The following PTPRD variants were observed in gnomAD, a reference collection of about 807,000 sequenced individuals.
PTPRD encodes protein tyrosine phosphatase receptor type D.
Under a neutral mutation model 214.5 loss-of-function variants are expected in PTPRD, and 34 were observed. The ratio of observed to expected loss-of-function variants is 0.16; its 90% CI spans 0.12 to 0.21. The LOEUF (loss-of-function observed/expected upper bound fraction) is 0.21. Among genes scored for constraint, PTPRD ranks in the 10% least tolerant of loss-of-function variants. The pLI, the probability that PTPRD is intolerant of heterozygous loss-of-function variation, is 1.00. For synonymous variants in PTPRD, 1,128 were observed against 845.7 expected, an observed-to-expected ratio of 1.33 and a Z score of -5.79; for missense variants, 2,545 against 2,398.7, an observed-to-expected ratio of 1.06 and a Z score of -1.27.
intron 10 of PTPRD, among the ~76,000 whole-genome samples, chr9:9,074,125 A>T (rs2154411988): frequency 6.6e-6 from 1 of 152,278 alleles, no homozygotes; most frequent in African/African-American, 2.4e-5. Flanking sequence ...ACTAAAGCTG[A>T]GAGAAGTTTA....
At chr9:9,447,835 C>G (rs963708141) in intron 8 of PTPRD, among the ~76,000 whole-genome samples, 8 of 152,010 alleles carry the variant, frequency 5.3e-5, no homozygotes, top group African/African-American at 1.9e-4. Flanking sequence ...AAGACACTGA[C>G]GTAGAAATGT....
At chr9:8,969,893 C>A (rs1269247005) in intron 11 of PTPRD, among the ~76,000 whole-genome samples, 1 of 151,938 alleles carries the variant, frequency 6.6e-6, no homozygotes, top group African/African-American at 2.4e-5. Flanking sequence ...CTACTAATTA[C>A]AACATTGCCT....
At chr9:8,533,244 T>C (rs1330573185) in intron 14 of PTPRD, among the ~76,000 whole-genome samples, 3 of 152,060 alleles carry the variant, frequency 2.0e-5, no homozygotes, top group African/African-American at 7.2e-5. Flanking sequence ...AAGGTGGTCC[T>C]AAGTAGCTCT....
At chr9:9,053,523 T>C (rs1181525788) in intron 10 of PTPRD, among the ~76,000 whole-genome samples, 2 of 152,090 alleles carry the variant, frequency 1.3e-5, no homozygotes, top group African/African-American at 2.4e-5. Context: ...AAAAAGAAGA[T>C]ACTTATACAA....
intron 7 of PTPRD, among the ~76,000 whole-genome samples, chr9:9,706,701 A>T (rs932978200): frequency 6.6e-6 from 1 of 151,984 alleles, no homozygotes; most frequent in African/African-American, 2.4e-5. Context: ...CAGCCTCCCA[A>T]AGTGCTAGCA....
intron 5 of PTPRD, among the ~76,000 whole-genome samples, chr9:9,831,176 A>G (rs2054700363): frequency 6.6e-6 from 1 of 151,924 alleles, no homozygotes; most frequent in South Asian, 2.1e-4. Context: ...AGCATGGTTG[A>G]GTAGGTATGT....
At chr9:9,239,124 C>G (rs532638580) in intron 9 of PTPRD, among the ~76,000 whole-genome samples, 1 of 151,512 alleles carries the variant, frequency 6.6e-6, no homozygotes, top group African/African-American at 2.4e-5. Context: ...TTCTCTAGAA[C>G]TATGCTTATC....
chr9:9,450,331 G>C (rs1036249164), intron 8 of PTPRD, among the ~76,000 whole-genome samples: 4 of 151,750 alleles, frequency 2.6e-5, no homozygotes, highest in African/African-American at 9.7e-5. Flanking sequence ...TATTTCTTTA[G>C]GGAATTTCCA....
At chr9:8,946,964 C>T (rs2099068636) in intron 11 of PTPRD, among the ~76,000 whole-genome samples, 1 of 149,402 alleles carries the variant, frequency 6.7e-6, no homozygotes, top group Non-Finnish European at 1.5e-5. Flanking sequence ...CTTCCTATTT[C>T]TGCCTATCTT....
At chr9:10,167,748 T>G (rs2099168217) in intron 3 of PTPRD, among the ~76,000 whole-genome samples, 2 of 152,132 alleles carry the variant, frequency 1.3e-5, no homozygotes, top group African/African-American at 4.8e-5. Flanking sequence ...CCAATATAGC[T>G]GTAAGAGTTG....
At chr9:10,031,043 T>C (rs950217805) in intron 4 of PTPRD, among the ~76,000 whole-genome samples, 4 of 152,218 alleles carry the variant, frequency 2.6e-5, no homozygotes, top group African/African-American at 9.6e-5. Flanking sequence ...AATCTATCTG[T>C]GCTTGTCTTT....
At chr9:10,607,256 C>T (rs116595898) in intron 2 of PTPRD, among the ~76,000 whole-genome samples, 1,812 of 151,826 alleles carry the variant, frequency 0.012, 34 homozygotes, top group African/African-American at 0.041. Flanking sequence ...TACATGGACT[C>T]ATTATTAAAG....
At chr9:9,671,879 C>T (rs2154387239) in intron 7 of PTPRD, among the ~76,000 whole-genome samples, 1 of 152,252 alleles carries the variant, frequency 6.6e-6, no homozygotes, top group South Asian at 2.1e-4. Flanking sequence ...TGGACTAATA[C>T]AGGGGAAGAC....
chr9:9,510,260 T>C (rs2096668542), intron 8 of PTPRD, among the ~76,000 whole-genome samples: 1 of 151,704 alleles, frequency 6.6e-6, no homozygotes, highest in African/African-American at 2.4e-5. Flanking sequence ...TTTTTTCTTT[T>C]TTGGAACTAC....
In PTPRD at chr9:8,922,202, C is replaced by G. The variant is rs138630062; in HGVS notation, c.-104+96495G>C. 5.3e-3 allele frequency among the ~76,000 whole-genome samples: 811 copies of G among 151,776 alleles called. 1 individual carries two copies. The highest frequency in any genetic ancestry group is 7.8e-3 in the Non-Finnish European group (526 of 67,868). On this transcript the variant is annotated intron_variant, in intron 11 of 45. Transcript: ENST00000381196. Reference sequence around the variant, plus strand: ...AAATTTTCTTGACTTTGTTTTTTTTCTCTATTAAGTCCAGTGTTAATATAT... The same window carrying G: ...AAATTTTCTTGACTTTGTTTTTTTTGTCTATTAAGTCCAGTGTTAATATAT...
intron 3 of PTPRD, among the ~76,000 whole-genome samples, chr9:10,146,269 A>G (rs1592337418): frequency 6.6e-6 from 1 of 152,038 alleles, no homozygotes; most frequent in East Asian, 1.9e-4. Flanking sequence ...ATATACATAC[A>G]TACATAAATT....
intron 3 of PTPRD, among the ~76,000 whole-genome samples, chr9:10,125,801 A>G (rs1333044107): frequency 2.0e-5 from 3 of 152,080 alleles, no homozygotes; most frequent in Non-Finnish European, 4.4e-5. Context: ...AAAATATTTT[A>G]GTAAAACTAT....
At chr9:8,892,809 G>A (rs1040251771) in intron 11 of PTPRD, among the ~76,000 whole-genome samples, 4 of 151,642 alleles carry the variant, frequency 2.6e-5, no homozygotes, top group Non-Finnish European at 5.9e-5. Context: ...GAGGAGGGAA[G>A]ATTTTACCAA....
intron 7 of PTPRD, among the ~76,000 whole-genome samples, chr9:9,637,463 T>G (rs1294722845): frequency 1.3e-5 from 2 of 152,212 alleles, no homozygotes; most frequent in African/African-American, 2.4e-5. Flanking sequence ...ATGGGTCACA[T>G]GTAATTCCAA....
Sources: allele counts gnomAD v4.1 joint callset (sites outside exome capture counted in the v4.1 genomes callset), GRCh38; gene constraint gnomAD v4.1.1; transcripts MANE v1.5; gene names NCBI Gene and HGNC (gene_info 2026-07-23, HGNC 2026-07-21).